Variants in SGMS1 observed in about 807,000 individuals in gnomAD.
The protein encoded by SGMS1 is sphingomyelin synthase 1, also known as phosphatidylcholine:ceramide cholinephosphotransferase 1.
Under a neutral mutation model 46.2 loss-of-function variants are expected in SGMS1, and 13 were observed. The ratio of observed to expected loss-of-function variants is 0.28; its 90% CI spans 0.18 to 0.45. The LOEUF (loss-of-function observed/expected upper bound fraction) is 0.45, where lower values mean the gene tolerates loss of function less well. Ranked by LOEUF, SGMS1 falls within the 20% of genes least tolerant of loss-of-function variation. SGMS1 has a pLI of 1.00. For missense variants in SGMS1, 324 were observed against 519.9 expected (o/e 0.62, Z 3.66); for synonymous variants, 203 against 187.8 (o/e 1.08, Z -0.66).
At chr10:50,612,774 T>C (rs995759104) in intron 1 of SGMS1, among the ~76,000 whole-genome samples, 3 of 152,156 alleles carry the variant, frequency 2.0e-5, no homozygotes, top group Non-Finnish European at 2.9e-5. Flanking sequence ...AGTGGCGTGA[T>C]CGCGGCTCAC....
chr10:50,489,810 C>T (rs1430899224), intron 3 of SGMS1, among the ~76,000 whole-genome samples: 1 of 152,052 alleles, frequency 6.6e-6, no homozygotes, highest in Non-Finnish European at 1.5e-5. Context: ...CTCATCTCTA[C>T]TAAAAATACA....
chr10:50,544,874 G>A (rs934638563), intron 2 of SGMS1, among the ~76,000 whole-genome samples: 7 of 152,174 alleles, frequency 4.6e-5, no homozygotes, highest in African/African-American at 1.7e-4. Context: ...AGAAACGTGT[G>A]CCGCGTATTT....
At chr10:50,481,028 C>T (rs533298704) in intron 3 of SGMS1, among the ~76,000 whole-genome samples, 3 of 152,342 alleles carry the variant, frequency 2.0e-5, no homozygotes, top group East Asian at 1.9e-4. Context: ...GGGAAGGAGC[C>T]CCCATGGGGA....
intron 6 of SGMS1, among the ~76,000 whole-genome samples, chr10:50,390,169 T>C (rs1249306268): frequency 1.3e-5 from 2 of 152,230 alleles, no homozygotes; most frequent in Non-Finnish European, 2.9e-5. Flanking sequence ...CAATTATTAT[T>C]CAAACTATTC....
intron 2 of SGMS1, among the ~76,000 whole-genome samples, chr10:50,550,875 A>T (rs1326966168): frequency 6.6e-6 from 1 of 152,202 alleles, no homozygotes; most frequent in Non-Finnish European, 1.5e-5. Flanking sequence ...GACCAACCAA[A>T]TAAATAATGT....
intron 1 of SGMS1, among the ~76,000 whole-genome samples, chr10:50,596,681 G>A (rs1219044111): frequency 2.0e-5 from 3 of 152,176 alleles, no homozygotes; most frequent in Admixed American, 2.0e-4. Context: ...AACCACCTCA[G>A]GTCAGTATGA....
chr10:50,407,210 T>G (rs1285259488), intron 6 of SGMS1, among the ~76,000 whole-genome samples: 2 of 152,152 alleles, frequency 1.3e-5, no homozygotes, highest in African/African-American at 4.8e-5. Context: ...CTGTTTAACC[T>G]CTCTGGATTT....
At chr10:50,316,263 T>C (rs866888757) in intron 8 of SGMS1, among the ~76,000 whole-genome samples, 19 of 152,310 alleles carry the variant, frequency 1.2e-4, no homozygotes, top group South Asian at 1.2e-3. Context: ...TATAGCTTTG[T>C]TGAAGAGCTG....
intron 3 of SGMS1, among the ~76,000 whole-genome samples, chr10:50,486,179 T>C (rs1243010105): frequency 1.3e-5 from 2 of 152,060 alleles, no homozygotes; most frequent in African/African-American, 4.8e-5. Flanking sequence ...TCAAGATGGA[T>C]TAAAGACATA....
intron 6 of SGMS1, among the ~76,000 whole-genome samples, chr10:50,401,387 A>T (rs889629487): frequency 2.0e-5 from 3 of 152,128 alleles, no homozygotes; most frequent in African/African-American, 7.2e-5. Flanking sequence ...AGACATTTTA[A>T]TCTCCACTTG....
intron 2 of SGMS1, among the ~76,000 whole-genome samples, chr10:50,565,584 G>C (rs1433486165): frequency 6.6e-6 from 1 of 152,184 alleles, no homozygotes. Flanking sequence ...AAGTGTCCTG[G>C]ATAAGCAACA....
At chr10:50,546,477 G>A (rs1838101821) in intron 2 of SGMS1, among the ~76,000 whole-genome samples, 2 of 152,270 alleles carry the variant, frequency 1.3e-5, no homozygotes, top group Middle Eastern at 3.4e-3. Context: ...CAATCCAAAT[G>A]TCCAACAATG....
At chr10:50,415,115 C>T (rs997415855) in intron 6 of SGMS1, among the ~76,000 whole-genome samples, 1 of 152,296 alleles carries the variant, frequency 6.6e-6, no homozygotes, top group South Asian at 2.1e-4. Flanking sequence ...AGCGAGACTC[C>T]GTCTCAAAAC....
intron 6 of SGMS1, among the ~76,000 whole-genome samples, chr10:50,353,029 T>C (rs1195443825): frequency 6.6e-6 from 1 of 152,212 alleles, no homozygotes; most frequent in Admixed American, 6.5e-5. Context: ...GCTGGTACCA[T>C]TCCTTCTGAA....
chr10:50,482,065 T>G (rs1837482037), intron 3 of SGMS1, among the ~76,000 whole-genome samples: 1 of 152,076 alleles, frequency 6.6e-6, no homozygotes, highest in South Asian at 2.1e-4. Context: ...CTAAAAGAGA[T>G]GGAAAGAATG....
At chr10:50,409,606 G>A (rs1355214456) in intron 6 of SGMS1, among the ~76,000 whole-genome samples, 1 of 152,102 alleles carries the variant, frequency 6.6e-6, no homozygotes, top group Admixed American at 6.5e-5. Flanking sequence ...ACCTTTACTT[G>A]GACATAATCA....
At chr10:50,478,582 A>C (rs1837449050) in intron 3 of SGMS1, among the ~76,000 whole-genome samples, 1 of 152,180 alleles carries the variant, frequency 6.6e-6, no homozygotes, top group Admixed American at 6.5e-5. Flanking sequence ...CCATTTTTGT[A>C]AATGTTATAA....
intron 5 of SGMS1, among the ~76,000 whole-genome samples, chr10:50,457,015 C>T (rs181440373): frequency 1.3e-5 from 2 of 152,276 alleles, no homozygotes; most frequent in African/African-American, 4.8e-5. Context: ...ATTAGGATAT[C>T]ATTATGAAAA....
intron 2 of SGMS1, among the ~76,000 whole-genome samples, chr10:50,529,556 C>T (rs567224692): frequency 4.6e-5 from 7 of 152,224 alleles, no homozygotes; most frequent in South Asian, 2.1e-4. Flanking sequence ...ACAGGAGGTT[C>T]GATTTTCTGA....
Sources: gnomAD v4.1 joint callset for allele counts (sites outside exome capture counted in the v4.1 genomes callset) on GRCh38, gnomAD v4.1.1 for gene constraint, MANE v1.5 for transcripts, NCBI Gene and HGNC (gene_info 2026-07-23, HGNC 2026-07-21) for gene names.